The following SRBD1 variants were observed in gnomAD, a reference collection of about 807,000 sequenced individuals.
SRBD1 encodes the protein S1 RNA-binding domain-containing protein 1.
A neutral mutation model predicts 115.3 loss-of-function variants in SRBD1; 88 were observed. The ratio of observed to expected loss-of-function variants is 0.76; its 90% CI spans 0.64 to 0.91. SRBD1 has a LOEUF of 0.91. SRBD1 is among the 40% of genes least tolerant of loss of function. The pLI, the probability that SRBD1 is intolerant of heterozygous loss-of-function variation, is 0.00. For missense variants in SRBD1, 1,385 were observed against 1,177.4 expected (o/e 1.18, Z -2.58); for synonymous variants, 509 against 407.7 (o/e 1.25, Z -2.99).
chr2:45,532,809 T>C (rs1225690783), intron 14 of SRBD1, among the ~76,000 whole-genome samples: 1 of 148,052 alleles, frequency 6.8e-6, no homozygotes, highest in African/African-American at 2.4e-5. Context: ...GACCCCCCAC[T>C]GCAGCCAAAA....
At chr2:45,526,350 A>G (rs901687628) in intron 14 of SRBD1, among the ~76,000 whole-genome samples, 1 of 152,086 alleles carries the variant, frequency 6.6e-6, no homozygotes, top group Non-Finnish European at 1.5e-5. Context: ...GTGAATTACA[A>G]AACACCACAT....
chr2:45,445,090 A>G (rs1344276798), intron 16 of SRBD1, among the ~76,000 whole-genome samples: 1 of 152,242 alleles, frequency 6.6e-6, no homozygotes, highest in African/African-American at 2.4e-5. Context: ...AAAAGCATCT[A>G]AAGTTTCAGG....
intron 9 of SRBD1, among the ~76,000 whole-genome samples, chr2:45,570,477 T>C (rs1047104815): frequency 1.3e-5 from 2 of 152,230 alleles, no homozygotes; most frequent in South Asian, 4.1e-4. Flanking sequence ...TGTGCGATAC[T>C]GTATTTTAAA....
intron 16 of SRBD1, among the ~76,000 whole-genome samples, chr2:45,424,274 C>T (rs868272009): frequency 1.3e-5 from 2 of 152,098 alleles, no homozygotes; most frequent in Non-Finnish European, 2.9e-5. Context: ...TCCTCAAATC[C>T]TGGTATTGAT....
chr2:45,583,605 G>A (rs1409431579), intron 5 of SRBD1, among the ~76,000 whole-genome samples: 3 of 151,940 alleles, frequency 2.0e-5, no homozygotes, highest in South Asian at 4.1e-4. Flanking sequence ...ATGTACTCTT[G>A]TATTTTCTAT....
In SRBD1 at chr2:45,398,132, T is replaced by C. The variant is rs1193292034; in HGVS notation, c.2514-5003A>G. On this transcript the variant is annotated intron_variant, in intron 19 of 20. Coordinates refer to ENST00000263736, the MANE Select transcript of SRBD1 (RefSeq NM_018079.5). ...CAACCACAGAAAGGGCAAAGAATTA[T>C]CCAGTAGAACTTACAGCTGAGACCG... Among the ~76,000 whole-genome samples the C allele has an allele frequency of 2.0e-5, 3 of 152,292 alleles. No individual in the cohort carries two copies. In the East Asian group the frequency reaches 5.8e-4, roughly 29 times the overall value.
At chr2:45,588,199 T>C (rs983693468) in intron 4 of SRBD1, among the ~76,000 whole-genome samples, 1 of 152,210 alleles carries the variant, frequency 6.6e-6, no homozygotes, top group African/African-American at 2.4e-5. Flanking sequence ...TACTGGATGT[T>C]GACCTGTCAC....
Position 45,393,008 on chromosome 2 carries a change from C to T in SRBD1, c.2635G>A (p.Val879Ile), listed in dbSNP as rs1667046944. ...TCTATGATGACCTGTAAGGTGTGTA[C>T]TGTTGTTTGCAATCTTTCTGCAATT... Reference protein sequence around the residue: ...EKIAERLQTTVHTLQVIIDGL... With the variant: ...EKIAERLQTTIHTLQVIIDGL... The change falls in exon 20 of 21, where the codon GTA becomes ATA. Residue 879 changes from valine (V) to isoleucine (I), a missense_variant. Coordinates refer to ENST00000263736, the MANE Select transcript of SRBD1 (RefSeq NM_018079.5). 1 of 1,614,044 alleles carries T rather than the reference C, an allele frequency of 6.2e-7. No individual in the cohort carries two copies. The highest frequency in any genetic ancestry group is 8.5e-7 in the Non-Finnish European group (1 of 1,179,946).
chr2:45,553,026 T>A (rs188409414), intron 11 of SRBD1, among the ~76,000 whole-genome samples: 2 of 152,302 alleles, frequency 1.3e-5, no homozygotes, highest in East Asian at 3.9e-4. Context: ...AGGGAATGTC[T>A]AGTTTCTAAA....
intron 14 of SRBD1, among the ~76,000 whole-genome samples, chr2:45,523,582 T>C (rs940236560): frequency 6.6e-6 from 1 of 151,706 alleles, no homozygotes; most frequent in African/African-American, 2.4e-5. Flanking sequence ...ATATATTAGA[T>C]AACAAAGATG....
chr2:45,498,291 G>A (rs7565267), intron 14 of SRBD1, among the ~76,000 whole-genome samples: 126,932 of 152,082 alleles, frequency 0.83, 53,664 homozygotes, highest in African/African-American at 0.93. Context: ...TATTCTAACT[G>A]CAAGTCTTTT....
At chr2:45,461,092 T>C (rs2103772596) in intron 16 of SRBD1, among the ~76,000 whole-genome samples, 1 of 152,336 alleles carries the variant, frequency 6.6e-6, no homozygotes, top group Middle Eastern at 3.4e-3. Context: ...ACAAATAATG[T>C]ATCTCCTGGA....
intron 14 of SRBD1, among the ~76,000 whole-genome samples, chr2:45,499,579 A>G (rs151087331): frequency 2.6e-4 from 39 of 152,246 alleles, no homozygotes; most frequent in African/African-American, 9.1e-4. Context: ...CAGACCACTG[A>G]TCGGCAGCAT....
intron 14 of SRBD1, among the ~76,000 whole-genome samples, chr2:45,532,160 C>T (rs1016025163): frequency 2.7e-5 from 4 of 148,814 alleles, no homozygotes; most frequent in African/African-American, 9.7e-5. Context: ...CCGCTGCCAT[C>T]ACCACCATCA....
chr2:45,497,064 T>G (rs189143547), intron 14 of SRBD1, among the ~76,000 whole-genome samples: 202 of 152,334 alleles, frequency 1.3e-3, no homozygotes, highest in African/African-American at 4.6e-3. Flanking sequence ...TACTTTTTTG[T>G]GATCACTGCA....
In SRBD1 at chr2:45,389,395, C is replaced by T. The variant is rs932762395; in HGVS notation, c.2903G>A (p.Gly968Asp). ...TTGGACTTCCACTCTTTCTCCGGGG[C>T]CCAGTCCAAGGCTTCTTCTCTTCTT... ...KTKKRRSLGL[G>D]PGERVEVQVL... The change falls in exon 21 of 21, where the codon GGC becomes GAC. Residue 968 changes from glycine (G) to aspartate (D), a missense_variant. Transcript: ENST00000263736. 4.3e-6 allele frequency: 7 copies of T among 1,613,924 alleles called. No individual in the cohort carries two copies. The African/African-American group carries it at 5.3e-5, about 12-fold the overall frequency.
At chr2:45,480,297 C>T (rs1184275246) in intron 15 of SRBD1, among the ~76,000 whole-genome samples, 1 of 152,094 alleles carries the variant, frequency 6.6e-6, no homozygotes, top group Admixed American at 6.6e-5. Context: ...ATGGTGATTT[C>T]TCTGAGGATC....
Position 45,562,704 on chromosome 2 carries a change from T to C in SRBD1, c.1358A>G (p.Asn453Ser), listed in dbSNP as rs369663840. 6 of 1,612,754 alleles carry C rather than the reference T, an allele frequency of 3.7e-6. No individual in the cohort carries two copies. The African/African-American group carries it at 5.3e-5, about 14-fold the overall frequency. ...TTCATCCTTCACTCCATCAGAAATATTGACCTTAACCGTCAGTACCTTCAA... is the reference window on the plus strand; with the variant it reads ...TTCATCCTTCACTCCATCAGAAATACTGACCTTAACCGTCAGTACCTTCAA... ...ENLKVLTVKV[N>S]ISDGVKDEFC... Residue 453 changes from asparagine to serine, a missense_variant, in exon 10 of 21, where the codon AAT becomes AGT. By Grantham distance (46) the Asn-to-Ser change is conservative. Transcript: ENST00000263736.
At chr2:45,516,522 C>A (rs1405492153) in intron 14 of SRBD1, among the ~76,000 whole-genome samples, 2 of 152,160 alleles carry the variant, frequency 1.3e-5, no homozygotes, top group African/African-American at 4.8e-5. Flanking sequence ...ACACACACAA[C>A]AGATATATCT....
Sources: gnomAD v4.1 joint callset for allele counts (sites outside exome capture counted in the v4.1 genomes callset) on GRCh38, gnomAD v4.1.1 for gene constraint, MANE v1.5 for transcripts, NCBI Gene and HGNC (gene_info 2026-07-23, HGNC 2026-07-21) for gene names.